Variants in PGBD5 observed in about 807,000 individuals in gnomAD.
PGBD5 encodes the protein piggyBac transposable element derived 5, also known as piggyBac transposable element-derived protein 5.
In PGBD5, 14 loss-of-function variants were observed where a neutral mutation model predicts 47.9. That is an observed-to-expected ratio of 0.29 (90% confidence interval 0.19 to 0.46). PGBD5 has a LOEUF of 0.46. Ranked by LOEUF, PGBD5 falls within the 20% of genes least tolerant of loss-of-function variation. The pLI, the probability that PGBD5 is intolerant of heterozygous loss-of-function variation, is 1.00. For synonymous variants in PGBD5, 316 were observed against 306.3 expected, an observed-to-expected ratio of 1.03 and a Z score of -0.33; for missense variants, 635 against 716.0, an observed-to-expected ratio of 0.89 and a Z score of 1.29.
At chr1:230,413,025 A>T (rs1280689925) in intron 1 of PGBD5, among the ~76,000 whole-genome samples, 3 of 152,136 alleles carry the variant, frequency 2.0e-5, no homozygotes, top group African/African-American at 7.2e-5. Flanking sequence ...TTTAAGCAAA[A>T]TAATGTAAGA....
intron 1 of PGBD5, chr1:230,362,408 G>T: frequency 7.4e-7 from 1 of 1,346,612 alleles, no homozygotes. Flanking sequence ...GAGGCTTGCC[G>T]GGGAAGCCTG....
chr1:230,414,062 T>C (rs1657466380), intron 1 of PGBD5, among the ~76,000 whole-genome samples: 1 of 152,210 alleles, frequency 6.6e-6, no homozygotes, highest in Non-Finnish European at 1.5e-5. Context: ...CCAAGGTGCA[T>C]GTGACTTAGG....
chr1:230,329,617 T>G (rs1266760551), intron 5 of PGBD5, among the ~76,000 whole-genome samples: 1 of 152,236 alleles, frequency 6.6e-6, no homozygotes, highest in Non-Finnish European at 1.5e-5. Context: ...GTTCAAGAGA[T>G]TCTCCTGCCT....
chr1:230,357,189 C>T lies in PGBD5; in HGVS notation c.464G>A (p.Ser155Asn), dbSNP rs139923173. 3.8e-4 allele frequency: 607 copies of T among 1,614,176 alleles called. 3 individuals carry two copies. In the African/African-American group the frequency reaches 7.0e-3, roughly 19 times the overall value. ...CGTCACCTCCACCCAGGCTCCGTCG[C>T]TCCCAAACCGCTCCTGGAACTTCTT... ...YAKKFQERFGSDGAWVEVTLT... is the reference protein window; with the variant it reads ...YAKKFQERFGNDGAWVEVTLT... The change falls in exon 2 of 7, where the codon AGC (serine) becomes AAC (asparagine). Residue 155 changes from serine (S) to asparagine (N), a missense_variant. Ser to Asn is a conservative substitution (Grantham distance 46). Transcript: ENST00000391860. This position sits in a 1 kb window ranked among gnomAD's most constrained non-coding sequence, Gnocchi z 5.7.
chr1:230,404,372 C>T (rs1393171994), intron 1 of PGBD5, among the ~76,000 whole-genome samples: 27 of 151,806 alleles, frequency 1.8e-4, no homozygotes, highest in Non-Finnish European at 4.4e-5. Context: ...CTGAGCTACT[C>T]GGGGGACTGA....
At chr1:230,377,989 C>T (rs1668042504) in intron 1 of PGBD5, among the ~76,000 whole-genome samples, 1 of 152,226 alleles carries the variant, frequency 6.6e-6, no homozygotes, top group Non-Finnish European at 1.5e-5. Flanking sequence ...AAAACATGCA[C>T]TCCTCATTGA....
intron 1 of PGBD5, among the ~76,000 whole-genome samples, chr1:230,397,169 T>G (rs2102738566): frequency 1.3e-5 from 2 of 152,304 alleles, no homozygotes; most frequent in Admixed American, 1.3e-4. Context: ...ACACCACACC[T>G]TCACCCCCGC....
Position 230,425,759 on chromosome 1 carries a change from G to A in PGBD5, c.170C>T (p.Ala57Val). 1 of 1,207,406 alleles carries A rather than the reference G, an allele frequency of 8.3e-7. No individual in the cohort carries two copies. Among genetic ancestry groups the A allele is most frequent in the Non-Finnish European group, 1.0e-6 (1 of 970,538 alleles). The allele number at this position is 1,207,406 out of a possible 1,614,324, so 74.8% of individuals were successfully genotyped here. ...CTCGCGCTCGTCGTCCGAGGAGGCG[G>A]CCGAGGAGGAGCGCGAGGCGGCCGA... ...STSAASRSSS[A>V]ASSDDEREPP... The change falls in exon 1 of 7, where the codon GCC (alanine) becomes GTC (valine). Residue 57 changes from alanine (A) to valine (V), a missense_variant. Physicochemically the swap from Ala to Val is moderately conservative, Grantham distance 64. Transcript: ENST00000391860. This position sits in a 1 kb window ranked among gnomAD's most constrained non-coding sequence, Gnocchi z 4.7.
chr1:230,373,103 G>A (rs571892077), intron 1 of PGBD5, among the ~76,000 whole-genome samples: 21 of 152,304 alleles, frequency 1.4e-4, no homozygotes, highest in Non-Finnish European at 2.6e-4. Flanking sequence ...CAGAGTGGCC[G>A]CTAGGTATGG....
intron 3 of PGBD5, among the ~76,000 whole-genome samples, chr1:230,339,194 C>G (rs894766046): frequency 2.6e-5 from 4 of 152,182 alleles, no homozygotes; most frequent in Non-Finnish European, 5.9e-5. Flanking sequence ...TTATTTAATG[C>G]TTCCCCACCT....
intron 1 of PGBD5, among the ~76,000 whole-genome samples, chr1:230,383,970 G>A (rs1204825148): frequency 6.6e-6 from 1 of 152,162 alleles, no homozygotes; most frequent in African/African-American, 2.4e-5. Flanking sequence ...CTGTGACTTC[G>A]GGGATAAGCA....
chr1:230,325,496 G>T, intron 5 of PGBD5, 81 bp from the exon 6 acceptor site: 1 of 966,016 alleles, frequency 1.0e-6, no homozygotes, highest in East Asian at 2.5e-5. Context: ...TCTTCGTCCA[G>T]CTTAGCTGCT....
At chr1:230,359,439 A>G (rs1014788022) in intron 1 of PGBD5, among the ~76,000 whole-genome samples, 5 of 152,152 alleles carry the variant, frequency 3.3e-5, no homozygotes, top group African/African-American at 1.2e-4. Flanking sequence ...TTCCTTTATT[A>G]CTGATTTAGA....
intron 3 of PGBD5, among the ~76,000 whole-genome samples, chr1:230,347,480 T>C (rs74965942): frequency 0.14 from 21,115 of 145,646 alleles, 1,799 homozygotes; most frequent in East Asian, 0.38. Context: ...TCTTTTCTTT[T>C]TTTTTTTTTT....
In PGBD5 at chr1:230,425,675, G is replaced by A; in HGVS notation, c.254C>T (p.Pro85Leu). The change falls in exon 1 of 7, where the codon CCG becomes CTG. Residue 85 changes from proline (P) to leucine (L), a missense_variant. Physicochemically the swap from Pro to Leu is moderately conservative, Grantham distance 98. Coordinates refer to ENST00000391860, the MANE Select transcript of PGBD5 (RefSeq NM_001258311.2). The surrounding 1 kb of genome is among the most constrained non-coding windows in gnomAD (Gnocchi z 4.7). ...GCCCGCGCCGGCCTCGTCCTCCTCC[G>A]GCTCCTGTGCGTCCGGGGCGCGGGG... ...PPPRAPDAQEPEEDEAGAGWS... is the reference protein window; with the variant it reads ...PPPRAPDAQELEEDEAGAGWS... The A allele has an allele frequency of 8.2e-7, 1 of 1,218,488 alleles. No individual in the cohort carries two copies. Among genetic ancestry groups the A allele is most frequent in the Non-Finnish European group, 1.0e-6 (1 of 979,588 alleles). 75.5% of individuals were successfully genotyped at this position (1,218,488 alleles called of 1,614,324 possible). A position where few individuals can be genotyped will look rare whatever the true frequency, so the allele number is the denominator to read the frequency against.
At position 230,316,183 on chromosome 1, in the gene PGBD5, CAT is replaced by C. The variant is rs1372274444; in HGVS notation, c.*7240_*7241del. The C allele has an allele frequency of 2.4e-5, 1 of 42,366 alleles. No homozygotes were observed. The highest frequency in any genetic ancestry group is 6.2e-5 in the Non-Finnish European group (1 of 16,104). 2.6% of individuals were successfully genotyped at this position (42,366 alleles called of 1,614,324 possible). On this transcript the variant is annotated 3_prime_UTR_variant, in exon 7 of 7. Coordinates refer to ENST00000391860, the MANE Select transcript of PGBD5 (RefSeq NM_001258311.2). ...GTATGTGTATACATACATACGTACA[CAT>C]GTGCATGTGTATACATACATATGTA...
intron 2 of PGBD5, among the ~76,000 whole-genome samples, chr1:230,355,685 G>T (rs564102529): frequency 4.6e-5 from 7 of 152,308 alleles, no homozygotes; most frequent in Admixed American, 3.9e-4. Flanking sequence ...CATCAATAGT[G>T]GGGGGAATTC....
intron 1 of PGBD5, among the ~76,000 whole-genome samples, chr1:230,399,071 A>C (rs958760011): frequency 6.6e-6 from 1 of 151,838 alleles, no homozygotes; most frequent in African/African-American, 2.4e-5. Context: ...GGGGGTGGCT[A>C]AGTGTCAGGT....
Position 230,357,278 on chromosome 1 carries a change from G to A in PGBD5, c.375C>T (p.Phe125=). The change falls in exon 2 of 7, where the codon TTC becomes TTT. Residue 125 remains phenylalanine, a synonymous_variant. Transcript: ENST00000391860. This position sits in a 1 kb window ranked among gnomAD's most constrained non-coding sequence, Gnocchi z 5.7. ...KMPPSASAVD[F]FQLFVPDNVL... ...CGTTGTCTGGGACAAAGAGCTGGAA[G>A]AAGTCCACGGCACTGGCGCTGGGGG... 1 of 1,614,150 alleles carries A rather than the reference G, an allele frequency of 6.2e-7. No homozygotes were observed. Among genetic ancestry groups the A allele is most frequent in the Non-Finnish European group, 8.5e-7 (1 of 1,180,044 alleles).
Sources: allele counts gnomAD v4.1 joint callset (sites outside exome capture counted in the v4.1 genomes callset), GRCh38; gene constraint gnomAD v4.1.1; non-coding constraint Gnocchi (gnomAD v3.1); transcripts MANE v1.5; gene names NCBI Gene and HGNC (gene_info 2026-07-23, HGNC 2026-07-21).